TBC1D30: variants seen among roughly 807,000 people sequenced by gnomAD.
The protein encoded by TBC1D30 is TBC1 domain family member 30, also known as TBC1 domain family, member 30.
In TBC1D30, 31 loss-of-function variants were observed where a neutral mutation model predicts 63.2. The ratio of observed to expected loss-of-function variants is 0.49; its 90% CI spans 0.37 to 0.66. The LOEUF is 0.66. Ranked by LOEUF, TBC1D30 falls within the 30% of genes least tolerant of loss-of-function variation. TBC1D30 has a pLI of 0.00. For synonymous variants in TBC1D30, 307 were observed against 361.5 expected (o/e 0.85, Z 1.71); for missense variants, 810 against 953.6 (o/e 0.85, Z 1.98).
intron 8 of TBC1D30, among the ~76,000 whole-genome samples, chr12:64,862,383 C>G (rs999566955): frequency 6.6e-6 from 1 of 152,178 alleles, no homozygotes; most frequent in Non-Finnish European, 1.5e-5. Context: ...GAAGGACTTA[C>G]TAAAAGTCAG....
rs781719082 is a variant in TBC1D30, at chr12:64,836,522, C to A, written c.627C>A (p.Pro209=). 2 of 1,535,550 alleles carry A rather than the reference C, an allele frequency of 1.3e-6. No individual in the cohort carries two copies. The highest frequency in any genetic ancestry group is 8.7e-7 in the Non-Finnish European group (1 of 1,146,642). Residue 209 remains proline, a synonymous_variant, in exon 6 of 12, where the codon CCC becomes CCA. Transcript: ENST00000539867. ...IMIYLIDKVL[P]ESYFVNNLRA... ...TTTACCTTATTGATAAGGTACTTCCCGAAAGCTATTTCGTCAATAATCTCC... is the reference window on the plus strand; with the variant it reads ...TTTACCTTATTGATAAGGTACTTCCAGAAAGCTATTTCGTCAATAATCTCC...
intron 8 of TBC1D30, among the ~76,000 whole-genome samples, chr12:64,854,100 C>A (rs564484303): frequency 1.3e-5 from 2 of 152,198 alleles, no homozygotes; most frequent in East Asian, 1.9e-4. Flanking sequence ...ATAAGTAAAG[C>A]CTTACCCCTG....
At chr12:64,842,317 C>T (rs939935750) in intron 7 of TBC1D30, among the ~76,000 whole-genome samples, 3 of 152,162 alleles carry the variant, frequency 2.0e-5, no homozygotes, top group African/African-American at 7.2e-5. Flanking sequence ...CAAGATCACA[C>T]CACTGTGCTT....
chr12:64,781,224 T>TGCTGCAGGA lies in TBC1D30; in HGVS notation c.428_436dup (p.Leu143_Glu145dup), dbSNP rs764172043. On this transcript the variant is annotated inframe_insertion, in exon 1 of 13. Transcript: ENST00000542120. ...CGCAGCGGTGCCGGCGACTCCCGCG[T>TGCTGCAGGA]GCTGCAGGAGCTGCAGGAGCGACCG... is the stretch of plus-strand genomic sequence containing the variant. 20 of 1,132,992 alleles carry TGCTGCAGGA rather than the reference T, an allele frequency of 1.8e-5. 1 individual carries two copies. The highest frequency in any genetic ancestry group is 2.0e-4 in the East Asian group (2 of 9,776). The allele number at this position is 1,132,992 out of a possible 1,614,324, so 70.2% of individuals were successfully genotyped here. A position where few individuals can be genotyped will look rare whatever the true frequency, so the allele number is the denominator to read the frequency against.
chr12:64,809,174 T>C (rs1377379255), intron 2 of TBC1D30, among the ~76,000 whole-genome samples: 3 of 152,148 alleles, frequency 2.0e-5, no homozygotes, highest in Non-Finnish European at 4.4e-5. Flanking sequence ...TAGTGGTGAT[T>C]TTTGAGATTT....
chr12:64,875,056 A>G lies in TBC1D30; in HGVS notation c.1554A>G (p.Ile518Met), dbSNP rs1878935680. 6.5e-7 allele frequency: 1 copy of G among 1,536,644 alleles called. No homozygotes were observed. The highest frequency in any genetic ancestry group is 2.0e-5 in the Admixed American group (1 of 50,988). The change falls in exon 12 of 12, where the codon ATA (isoleucine) becomes ATG (methionine). Residue 518 changes from isoleucine (I) to methionine (M), a missense_variant. Around this residue, in one of 4 missense-constraint regions of TBC1D30, gnomAD observed 450 missense variants for 473.0 expected, o/e 0.95. Coordinates refer to ENST00000539867, the MANE Select transcript of TBC1D30 (RefSeq NM_015279.2). ...CTCAGGTAAACAGTTCTCCAGTTAT[A>G]AACCACCTTCTTTTAGGAAAGAAGA... Reference protein sequence around the residue: ...LPSQVNSSPVINHLLLGKKMK... With the variant: ...LPSQVNSSPVMNHLLLGKKMK...
At chr12:64,804,852 TG>T (rs139475678) in intron 2 of TBC1D30, among the ~76,000 whole-genome samples, 4,535 of 152,102 alleles carry the variant, frequency 0.03, 206 homozygotes, top group African/African-American at 0.1. Context: ...CCCTGTGATG[TG>T]GGGAGGTTTG....
chr12:64,763,610 ATTT>A lies in TBC1D30; in HGVS notation c.-376+3976_-376+3978del, dbSNP rs201141708. On this transcript the variant is annotated intron_variant, in intron 1 of 13. Transcript: ENST00000674237. ...ATCACTTTGGTTTTGTATCCTATTA[ATTT>A]TTTTTTTTTTTTTTGAGACAGAGTC... 4.2e-4 allele frequency among the ~76,000 whole-genome samples: 59 copies of A among 140,894 alleles called. 1 individual carries two copies. Among genetic ancestry groups the A allele is most frequent in the South Asian group, 2.0e-3 (9 of 4,502 alleles). The allele number at this position is 140,894 out of a possible 152,430, so 92.4% of individuals were successfully genotyped here.
At chr12:64,808,521 G>T (rs1873017908) in intron 2 of TBC1D30, among the ~76,000 whole-genome samples, 1 of 152,184 alleles carries the variant, frequency 6.6e-6, no homozygotes, top group Admixed American at 6.5e-5. Flanking sequence ...GAGACATACT[G>T]AAAATTGCCA....
intron 1 of TBC1D30, among the ~76,000 whole-genome samples, chr12:64,760,829 C>A (rs1272993264): frequency 2.1e-4 from 30 of 143,538 alleles, no homozygotes; most frequent in East Asian, 2.0e-4. Context: ...AGGGCTTATG[C>A]AAAAAAAAAA....
intron 2 of TBC1D30, chr12:64,787,453 T>C: frequency 2.7e-6 from 2 of 743,352 alleles, no homozygotes; most frequent in Non-Finnish European, 3.3e-6. Flanking sequence ...ATTGTGGAAG[T>C]TGCCTTTTGT....
chr12:64,810,237 C>T (rs902024993), intron 2 of TBC1D30, among the ~76,000 whole-genome samples: 4 of 152,184 alleles, frequency 2.6e-5, no homozygotes, highest in Non-Finnish European at 5.9e-5. Context: ...TTGCTTCATA[C>T]GTGGTCTGTG....
Position 64,857,380 on chromosome 12 carries a change from C to A in TBC1D30, c.1039-7288C>A, listed in dbSNP as rs1877398829. On this transcript the variant is annotated intron_variant, in intron 8 of 11. Transcript: ENST00000539867. The stretch of plus-strand genomic sequence containing the variant: ...TGGCCCAGGGTGTGGCTGGAAATGT[C>A]ATTTGGGAGCTAGGGCCTGGAATAG... 2.0e-5 allele frequency among the ~76,000 whole-genome samples: 3 copies of A among 152,066 alleles called. No homozygotes were observed. The South Asian group carries it at 6.2e-4, about 32-fold the overall frequency.
At chr12:64,805,854 T>C (rs1015549073) in intron 2 of TBC1D30, among the ~76,000 whole-genome samples, 3 of 151,914 alleles carry the variant, frequency 2.0e-5, no homozygotes, top group Non-Finnish European at 4.4e-5. Context: ...TAAAATAAAA[T>C]AAATAAAATA....
At chr12:64,779,571 T>C (rs1871173647), upstream of TBC1D30, among the ~76,000 whole-genome samples, 1 of 152,136 alleles carries the variant, frequency 6.6e-6, no homozygotes, top group Non-Finnish European at 1.5e-5. Flanking sequence ...TCAGGCTCTA[T>C]TATGAAAGTG....
upstream of TBC1D30, among the ~76,000 whole-genome samples, chr12:64,777,668 A>G (rs1165328456): frequency 6.6e-6 from 1 of 152,258 alleles, no homozygotes; most frequent in African/African-American, 2.4e-5. Flanking sequence ...ATATCATTAA[A>G]TTGGCCATGC....
chr12:64,851,264 C>T (rs1876850756), intron 8 of TBC1D30, among the ~76,000 whole-genome samples: 1 of 152,122 alleles, frequency 6.6e-6, no homozygotes, highest in African/African-American at 2.4e-5. Flanking sequence ...TTTCATGTCT[C>T]TATCTCCTTC....
intron 3 of TBC1D30, among the ~76,000 whole-genome samples, chr12:64,829,561 G>T (rs1874658896): frequency 6.6e-6 from 1 of 152,080 alleles, no homozygotes; most frequent in Non-Finnish European, 1.5e-5. Flanking sequence ...ATCTGTTAAG[G>T]TTGACATGCC....
chr12:64,868,418 C>G (rs140735712), intron 10 of TBC1D30: 7 of 221,632 alleles, frequency 3.2e-5, no homozygotes, highest in African/African-American at 1.2e-4. Flanking sequence ...TACCTCTGAT[C>G]CTTAGGGAAA....
Sources: allele counts gnomAD v4.1 joint callset (sites outside exome capture counted in the v4.1 genomes callset), GRCh38; gene constraint gnomAD v4.1.1; regional missense constraint gnomAD v4.1.1; transcripts MANE v1.5; gene names NCBI Gene and HGNC (gene_info 2026-07-23, HGNC 2026-07-21).